Variants in NRXN1 observed in about 807,000 individuals in gnomAD.
NRXN1 encodes the protein neurexin 1, also known as neurexin-1.
A neutral mutation model predicts 150.9 loss-of-function variants in NRXN1; 39 were observed. The ratio of observed to expected loss-of-function variants is 0.26; its 90% CI spans 0.20 to 0.34. The LOEUF is 0.34. Among genes scored for constraint, NRXN1 ranks in the 10% least tolerant of loss-of-function variants. NRXN1 has a pLI of 1.00. For missense variants in NRXN1, 1,815 were observed against 1,949.9 expected (o/e 0.93, Z 1.30); for synonymous variants, 924 against 757.0 (o/e 1.22, Z -3.62).
intron 2 of NRXN1, among the ~76,000 whole-genome samples, chr2:50,994,382 C>T (rs1698975926): frequency 6.6e-6 from 1 of 151,966 alleles, no homozygotes; most frequent in African/African-American, 2.4e-5. Context: ...AGGGAGATAA[C>T]TTATCCTCAA....
At chr2:50,828,041 A>G (rs1308230509) in intron 5 of NRXN1, among the ~76,000 whole-genome samples, 1 of 149,762 alleles carries the variant, frequency 6.7e-6, no homozygotes, top group Non-Finnish European at 1.5e-5. Context: ...CGATTTCTCA[A>G]TCTTTTCCCC....
chr2:50,544,234 T>C (rs971276576), intron 9 of NRXN1, among the ~76,000 whole-genome samples: 1 of 80,604 alleles, frequency 1.2e-5, no homozygotes, highest in Non-Finnish European at 2.5e-5. Context: ...ACAACATAAG[T>C]AATAAAAACA....
At chr2:50,212,777 A>G (rs79103466) in intron 18 of NRXN1, among the ~76,000 whole-genome samples, 1,543 of 152,006 alleles carry the variant, frequency 0.01, 6 homozygotes, top group Non-Finnish European at 0.017. Context: ...AGCCCCTTTA[A>G]CCTTTCACAG....
chr2:50,170,917 C>A (rs530481456), intron 18 of NRXN1, among the ~76,000 whole-genome samples: 3 of 151,966 alleles, frequency 2.0e-5, no homozygotes, highest in Non-Finnish European at 4.4e-5. Flanking sequence ...CTACTGTTGA[C>A]CAGAAGCCTT....
chr2:50,554,086 C>CTCTA (rs1667889517), intron 8 of NRXN1, among the ~76,000 whole-genome samples: 1 of 151,928 alleles, frequency 6.6e-6, no homozygotes, highest in South Asian at 2.1e-4. Context: ...CAAGAAGGGA[C>CTCTA]TCTATAGATT....
At chr2:50,974,811 T>C (rs1695569693) in intron 2 of NRXN1, among the ~76,000 whole-genome samples, 2 of 152,066 alleles carry the variant, frequency 1.3e-5, no homozygotes, top group South Asian at 2.1e-4. Flanking sequence ...ACTAAATACA[T>C]GTGCTCACAT....
intron 17 of NRXN1, among the ~76,000 whole-genome samples, chr2:50,311,113 T>C (rs1312513038): frequency 6.6e-6 from 1 of 152,096 alleles, no homozygotes; most frequent in East Asian, 1.9e-4. Flanking sequence ...AGAAGAGTAA[T>C]GCTATCTATT....
intron 17 of NRXN1, among the ~76,000 whole-genome samples, chr2:50,240,031 T>C (rs911881129): frequency 6.6e-6 from 1 of 151,478 alleles, no homozygotes; most frequent in Non-Finnish European, 1.5e-5. Context: ...TAATTTGAAG[T>C]TTTACACTTT....
chr2:50,828,063 C>A (rs1036145027), intron 5 of NRXN1, among the ~76,000 whole-genome samples: 14 of 151,018 alleles, frequency 9.3e-5, no homozygotes, highest in African/African-American at 3.4e-4. Context: ...CCTTTCCCCG[C>A]TTTCTATTCC....
chr2:50,089,144 G>C (rs919993242), intron 19 of NRXN1, among the ~76,000 whole-genome samples: 1 of 152,090 alleles, frequency 6.6e-6, no homozygotes, highest in Non-Finnish European at 1.5e-5. Context: ...ACCATAAGTA[G>C]TAATAAGCTC....
intron 17 of NRXN1, among the ~76,000 whole-genome samples, chr2:50,369,052 T>A (rs1462118594): frequency 1.3e-5 from 2 of 151,920 alleles, no homozygotes; most frequent in African/African-American, 4.8e-5. Context: ...TGTGATACAT[T>A]TGGGTGTACC....
chr2:50,868,032 T>C (rs1455668687), intron 5 of NRXN1, among the ~76,000 whole-genome samples: 1 of 150,936 alleles, frequency 6.6e-6, no homozygotes, highest in African/African-American at 2.4e-5. Flanking sequence ...GGTAACTTAA[T>C]TGCATTTTCC....
At chr2:50,451,412 G>A (rs1162316503) in intron 17 of NRXN1, among the ~76,000 whole-genome samples, 1 of 152,088 alleles carries the variant, frequency 6.6e-6, no homozygotes, top group African/African-American at 2.4e-5. Flanking sequence ...CACTGAACGA[G>A]GTATACAAAG....
intron 5 of NRXN1, among the ~76,000 whole-genome samples, chr2:50,697,197 T>G (rs1454935003): frequency 6.6e-6 from 1 of 152,172 alleles, no homozygotes; most frequent in East Asian, 1.9e-4. Context: ...TAATTCTGAG[T>G]GTTATATTTT....
chr2:50,151,383 A>G (rs958498153), intron 18 of NRXN1, among the ~76,000 whole-genome samples: 3 of 151,786 alleles, frequency 2.0e-5, no homozygotes, highest in Non-Finnish European at 4.4e-5. Context: ...AAAAAAATCA[A>G]TGAAAGTGAC....
At chr2:50,418,546 A>C (rs2083727324) in intron 17 of NRXN1, among the ~76,000 whole-genome samples, 1 of 152,112 alleles carries the variant, frequency 6.6e-6, no homozygotes, top group African/African-American at 2.4e-5. Context: ...CTTTTCAGAA[A>C]GCCCAGTACA....
intron 19 of NRXN1, among the ~76,000 whole-genome samples, chr2:50,061,498 G>A (rs543074581): frequency 3.3e-5 from 5 of 152,138 alleles, no homozygotes; most frequent in Middle Eastern, 3.2e-3. Flanking sequence ...TGAATCTTTC[G>A]AAGAAGACAT....
chr2:49,992,144 A>C (rs996915874), intron 21 of NRXN1, among the ~76,000 whole-genome samples: 1 of 152,218 alleles, frequency 6.6e-6, no homozygotes, highest in Non-Finnish European at 1.5e-5. Context: ...CACAGGAGAA[A>C]AACCTAGATG....
At chr2:50,893,210 C>T (rs896285877) in intron 5 of NRXN1, among the ~76,000 whole-genome samples, 15 of 152,160 alleles carry the variant, frequency 9.9e-5, no homozygotes, top group African/African-American at 3.4e-4. Flanking sequence ...GAGCACCCAG[C>T]TGTCACATGT....
Sources: gnomAD v4.1 joint callset for allele counts (sites outside exome capture counted in the v4.1 genomes callset) on GRCh38, gnomAD v4.1.1 for gene constraint, MANE v1.5 for transcripts, NCBI Gene and HGNC (gene_info 2026-07-23, HGNC 2026-07-21) for gene names.